SLC25A27: variants seen among roughly 807,000 people sequenced by gnomAD.
SLC25A27 encodes solute carrier family 25 member 27.
A neutral mutation model predicts 49.1 loss-of-function variants in SLC25A27; 35 were observed. The ratio of observed to expected loss-of-function variants is 0.71; its 90% CI spans 0.54 to 0.95. The LOEUF is 0.95. Among genes scored for constraint, SLC25A27 ranks in the 40% least tolerant of loss-of-function variants. The pLI, the probability that SLC25A27 is intolerant of heterozygous loss-of-function variation, is 0.00. For synonymous variants in SLC25A27, 144 were observed against 136.9 expected, an observed-to-expected ratio of 1.05 and a Z score of -0.36; for missense variants, 339 against 397.1, an observed-to-expected ratio of 0.85 and a Z score of 1.24.
At chr6:46,653,568 T>G (rs965581544) in intron 1 of SLC25A27, 1 of 985,462 alleles carries the variant, frequency 1.0e-6, no homozygotes. Context: ...CTTCGCGAGC[T>G]GTCATTCCTC....
intron 3 of SLC25A27, among the ~76,000 whole-genome samples, chr6:46,659,703 A>T (rs1763100863): frequency 6.6e-6 from 1 of 151,758 alleles, no homozygotes. Context: ...AAAATACAAA[A>T]AATTAGCTGG....
chr6:46,675,495 T>A (rs1366662665), intron 8 of SLC25A27, among the ~76,000 whole-genome samples: 1 of 152,210 alleles, frequency 6.6e-6, no homozygotes, highest in Non-Finnish European at 1.5e-5. Context: ...TAATATAGCA[T>A]GCTCAGTATT....
At position 46,671,468 on chromosome 6, in the gene SLC25A27, G is replaced by A. The variant is rs373361152; in HGVS notation, c.900+240G>A. 3.9e-5 allele frequency among the ~76,000 whole-genome samples: 6 copies of A among 151,928 alleles called. No homozygotes were observed. The East Asian group carries it at 1.2e-3, about 29-fold the overall frequency. On this transcript the variant is annotated intron_variant, in intron 8 of 8. Transcript: ENST00000371347. ...CATTGACGAATAAGTTGATAGTCTT[G>A]TTATAAAGCCAGTAAATAGATTTTC... is the stretch of plus-strand genomic sequence containing the variant.
chr6:46,676,630 C>A lies in SLC25A27; in HGVS notation c.*176C>A. 6.4e-7 allele frequency: 1 copy of A among 1,551,240 alleles called. No homozygotes were observed. ...TGGAAACCCAAGTTCTCTTTGACTCCTCTTTTTGTCCAAAAGTGATCTGGT... is the reference window on the plus strand; with the variant it reads ...TGGAAACCCAAGTTCTCTTTGACTCATCTTTTTGTCCAAAAGTGATCTGGT... On this transcript the variant is annotated 3_prime_UTR_variant, in exon 9 of 9. Transcript: ENST00000371347.
intron 2 of SLC25A27, among the ~76,000 whole-genome samples, chr6:46,657,909 G>A (rs760515469): frequency 2.4e-4 from 36 of 152,316 alleles, no homozygotes; most frequent in Non-Finnish European, 4.0e-4. Flanking sequence ...CTTAAAGGAA[G>A]ATGGTTGCAA....
chr6:46,655,806 T>C lies in SLC25A27; in HGVS notation c.107-37T>C, dbSNP rs1214727098. 8 of 1,571,650 alleles carry C rather than the reference T, an allele frequency of 5.1e-6. No individual in the cohort carries two copies. In the African/African-American group the frequency reaches 5.5e-5, roughly 11 times the overall value. ...TTAGATTTTTGTTTGTTTCTCTGAA[T>C]GTTGTGGGTTTTTCCCTGCATTTGT... On this transcript the variant is annotated intron_variant, in intron 1 of 8. Transcript: ENST00000371347.
intron 5 of SLC25A27, among the ~76,000 whole-genome samples, chr6:46,668,245 C>T (rs1763386916): frequency 6.6e-6 from 1 of 152,048 alleles, no homozygotes; most frequent in African/African-American, 2.4e-5. Flanking sequence ...GGCTGAGGCA[C>T]AAGAATCACT....
intron 5 of SLC25A27, among the ~76,000 whole-genome samples, chr6:46,666,191 A>G (rs1763320887): frequency 6.6e-6 from 1 of 152,178 alleles, no homozygotes. Flanking sequence ...TGAACCTGCC[A>G]CAATCCCTTC....
At chr6:46,670,851 C>G (rs1464005781) in intron 7 of SLC25A27, among the ~76,000 whole-genome samples, 1 of 152,076 alleles carries the variant, frequency 6.6e-6, no homozygotes, top group Non-Finnish European at 1.5e-5. Context: ...CATCCTCCTG[C>G]CTCAGCCTTC....
chr6:46,654,333 T>C (rs1762890875), intron 1 of SLC25A27, among the ~76,000 whole-genome samples: 1 of 152,276 alleles, frequency 6.6e-6, no homozygotes, highest in Non-Finnish European at 1.5e-5. Context: ...TGTTTCGTGC[T>C]CTTCCATTTT....
intron 7 of SLC25A27, 89 bp downstream of exon 7, chr6:46,670,316 G>A: frequency 1.2e-6 from 1 of 847,506 alleles, no homozygotes. Context: ...TTTATTGATA[G>A]AAATGTATTT....
chr6:46,663,785 G>T (rs1763238746), intron 4 of SLC25A27, among the ~76,000 whole-genome samples: 2 of 152,126 alleles, frequency 1.3e-5, no homozygotes, highest in South Asian at 4.1e-4. Flanking sequence ...GACAGCCTGG[G>T]ATTCAAAGCC....
At position 46,668,700 on chromosome 6, in the gene SLC25A27, C is replaced by G; in HGVS notation, c.620-9C>G. 1.9e-6 allele frequency: 3 copies of G among 1,549,270 alleles called. No individual in the cohort carries two copies. The highest frequency in any genetic ancestry group is 2.7e-6 in the Non-Finnish European group (3 of 1,123,124). ...GACTGATGAATATTTAAACTTTTTC[C>G]ATTGCCAGATTTAACCACTTATGAT... On this transcript the variant is annotated splice_polypyrimidine_tract_variant and intron_variant, in intron 5 of 8. Coordinates refer to ENST00000371347, the MANE Select transcript of SLC25A27 (RefSeq NM_004277.5).
In SLC25A27 at chr6:46,677,197, AAAG is replaced by A. The variant is rs1402364499; in HGVS notation, c.*745_*747del. 2 of 154,972 alleles carry A rather than the reference AAAG, an allele frequency of 1.3e-5. No homozygotes were observed. Among genetic ancestry groups the A allele is most frequent in the African/African-American group, 4.8e-5 (2 of 41,472 alleles). The allele number at this position is 154,972 out of a possible 1,614,324, so 9.6% of individuals were successfully genotyped here. On this transcript the variant is annotated 3_prime_UTR_variant, in exon 9 of 9. Coordinates refer to ENST00000371347, the MANE Select transcript of SLC25A27 (RefSeq NM_004277.5). ...AGCCACACACCGAATCTTGATGAAA[AAAG>A]AGAAGAGCATTTGCCTTGTTACATA...
intron 1 of SLC25A27, among the ~76,000 whole-genome samples, chr6:46,655,535 G>GGTTTTT (rs1562033662): frequency 1.7e-3 from 18 of 10,710 alleles, no homozygotes; most frequent in South Asian, 3.2e-3. Context: ...GTTAATGTTT[G>GGTTTTT]TTTTTTTTTT....
intron 8 of SLC25A27, among the ~76,000 whole-genome samples, chr6:46,676,157 C>A (rs947027488): frequency 6.6e-6 from 1 of 152,152 alleles, no homozygotes. Flanking sequence ...ATATTAATAT[C>A]TTTCCTTTCT....
At chr6:46,667,495 C>T (rs1582508902) in intron 5 of SLC25A27, among the ~76,000 whole-genome samples, 1 of 152,344 alleles carries the variant, frequency 6.6e-6, no homozygotes, top group East Asian at 1.9e-4. Context: ...TGCTCTTCAT[C>T]ATCTAGACTC....
At chr6:46,665,594 G>T (rs2150645008) in intron 5 of SLC25A27, among the ~76,000 whole-genome samples, 1 of 152,262 alleles carries the variant, frequency 6.6e-6, no homozygotes, top group East Asian at 1.9e-4. Context: ...GCTGAGGCAG[G>T]AGAATGGCGT....
rs185642976 is a variant in SLC25A27, at chr6:46,669,478, G to A, written c.705-657G>A. On this transcript the variant is annotated intron_variant, in intron 6 of 8. Coordinates refer to ENST00000371347, the MANE Select transcript of SLC25A27 (RefSeq NM_004277.5). ...TAGTGATTTCATTTAGCTTCTGATC[G>A]TTTCCAAATTCTAAAACTTCCTATG... Among the ~76,000 whole-genome samples, 12 of 152,170 alleles carry A rather than the reference G, an allele frequency of 7.9e-5. No homozygotes were observed. In the East Asian group the frequency reaches 1.5e-3, roughly 20 times the overall value.
Sources: allele counts gnomAD v4.1 joint callset (sites outside exome capture counted in the v4.1 genomes callset), GRCh38; gene constraint gnomAD v4.1.1; transcripts MANE v1.5; gene names NCBI Gene and HGNC (gene_info 2026-07-23, HGNC 2026-07-21).